PAWR: variants seen among roughly 807,000 people sequenced by gnomAD.
The protein encoded by PAWR is PRKC apoptosis WT1 regulator protein.
A neutral mutation model predicts 32.0 loss-of-function variants in PAWR; 23 were observed. That is an observed-to-expected ratio of 0.72 (90% CI 0.52 to 1.02). The LOEUF (loss-of-function observed/expected upper bound fraction) is 1.02, where lower values mean the gene tolerates loss of function less well. Among genes scored for constraint, PAWR ranks in the 50% least tolerant of loss-of-function variants. PAWR has a pLI of 0.00. For missense variants in PAWR, 457 were observed against 437.7 expected, an observed-to-expected ratio of 1.04 and a Z score of -0.39; for synonymous variants, 226 against 187.1, an observed-to-expected ratio of 1.21 and a Z score of -1.70.
chr12:79,683,904 A>G (rs1441792031), intron 2 of PAWR, among the ~76,000 whole-genome samples: 1 of 152,186 alleles, frequency 6.6e-6, no homozygotes, highest in East Asian at 1.9e-4. Flanking sequence ...AGATCCTACC[A>G]TAATTTCATT....
intron 2 of PAWR, among the ~76,000 whole-genome samples, chr12:79,630,388 CT>C (rs1262566489): frequency 6.6e-6 from 1 of 151,928 alleles, no homozygotes. Flanking sequence ...CAACCTCTGC[CT>C]CCCGGGTTCA....
At chr12:79,617,968 A>ATT (rs1432629239) in intron 3 of PAWR, among the ~76,000 whole-genome samples, 1 of 152,194 alleles carries the variant, frequency 6.6e-6, no homozygotes, top group Non-Finnish European at 1.5e-5. Context: ...TGAGGGCCTC[A>ATT]TAAGAAGCTG....
chr12:79,616,825 A>C (rs1566003790), intron 3 of PAWR, among the ~76,000 whole-genome samples: 1 of 152,160 alleles, frequency 6.6e-6, no homozygotes, highest in African/African-American at 2.4e-5. Context: ...GAACTCCCAC[A>C]TACTACGTTG....
rs1277007547 is a variant in PAWR, at chr12:79,690,167, T to C, written c.78A>G (p.Lys26=). ...TTDFLEEWKA[K]REKMRAKQNP... ...TCTGCTTGGCGCGCATCTTCTCGCG[T>C]TTCGCCTTCCACTCCTCCAGGAAGT... Residue 26 remains lysine (K), a synonymous_variant, in exon 2 of 7, where the codon AAA becomes AAG. Transcript: ENST00000328827. 6.5e-7 allele frequency: 1 copy of C among 1,529,360 alleles called. No individual in the cohort carries two copies. Among genetic ancestry groups the C allele is most frequent in the African/African-American group, 1.4e-5 (1 of 70,758 alleles). The allele number at this position is 1,529,360 out of a possible 1,614,324, so 94.7% of individuals were successfully genotyped here.
chr12:79,681,421 C>A (rs775944707), intron 2 of PAWR, among the ~76,000 whole-genome samples: 30 of 152,066 alleles, frequency 2.0e-4, no homozygotes, highest in Non-Finnish European at 3.7e-4. Flanking sequence ...CATAGTACTG[C>A]AGCCTGGGGA....
chr12:79,616,614 A>G (rs367978261), intron 3 of PAWR, among the ~76,000 whole-genome samples: 21 of 152,314 alleles, frequency 1.4e-4, no homozygotes, highest in African/African-American at 5.1e-4. Flanking sequence ...CTTTGACCCA[A>G]TTATAAATGA....
chr12:79,607,336 T>C (rs1251819935), intron 4 of PAWR, among the ~76,000 whole-genome samples: 1 of 152,114 alleles, frequency 6.6e-6, no homozygotes, highest in Non-Finnish European at 1.5e-5. Flanking sequence ...CAGATTTCTT[T>C]AGAAAGGGTC....
chr12:79,602,537 C>A (rs574899341), intron 4 of PAWR, among the ~76,000 whole-genome samples: 2 of 151,832 alleles, frequency 1.3e-5, no homozygotes, highest in Non-Finnish European at 2.9e-5. Flanking sequence ...ATAAACTCAA[C>A]AAGGCTTGGT....
intron 3 of PAWR, among the ~76,000 whole-genome samples, chr12:79,617,073 T>C (rs1465735262): frequency 1.3e-5 from 2 of 152,160 alleles, no homozygotes; most frequent in Non-Finnish European, 2.9e-5. Flanking sequence ...ATTCTTGTTT[T>C]TTGGCAGGGC....
intron 2 of PAWR, among the ~76,000 whole-genome samples, chr12:79,632,815 C>T (rs537621214): frequency 5.3e-5 from 8 of 152,046 alleles, no homozygotes; most frequent in Admixed American, 5.2e-4. Context: ...CTTTATCTCA[C>T]ATCAGTTACA....
chr12:79,646,227 T>C (rs1200232838), intron 2 of PAWR, among the ~76,000 whole-genome samples: 5 of 152,168 alleles, frequency 3.3e-5, no homozygotes, highest in Non-Finnish European at 7.4e-5. Flanking sequence ...AGGAAGTTAG[T>C]GAATCTTAAA....
intron 2 of PAWR, among the ~76,000 whole-genome samples, chr12:79,647,169 A>G (rs1876615542): frequency 7.8e-6 from 1 of 127,522 alleles, no homozygotes; most frequent in Non-Finnish European, 1.5e-5. Context: ...GCAAGACTCC[A>G]TTTCAAAAAA....
chr12:79,646,648 T>C (rs1007005061), intron 2 of PAWR, among the ~76,000 whole-genome samples: 3 of 152,094 alleles, frequency 2.0e-5, no homozygotes, highest in Non-Finnish European at 4.4e-5. Flanking sequence ...AAGTTTTATA[T>C]AGAAAGAGAA....
intron 2 of PAWR, among the ~76,000 whole-genome samples, chr12:79,664,947 C>T (rs2136833320): frequency 6.6e-6 from 1 of 152,256 alleles, no homozygotes; most frequent in South Asian, 2.1e-4. Flanking sequence ...CACAACATCT[C>T]TTCAATTTCC....
Position 79,587,076 on chromosome 12 carries a change from C to T in PAWR, c.*5531G>A, listed in dbSNP as rs1022896375. 6.6e-6 allele frequency: 1 copy of T among 151,858 alleles called. No individual in the cohort carries two copies. The highest frequency in any genetic ancestry group is 1.9e-4 in the East Asian group (1 of 5,184). 9.4% of individuals were successfully genotyped at this position (151,858 alleles called of 1,614,324 possible). The stretch of plus-strand genomic sequence containing the variant: ...GCACGCGTGCATGCATGCATAAACA[C>T]AAAGTGAATCTAGAAGGGAAAAAAT... On this transcript the variant is annotated 3_prime_UTR_variant, in exon 7 of 7. Coordinates refer to ENST00000328827, the MANE Select transcript of PAWR (RefSeq NM_002583.4).
chr12:79,655,236 A>C, intron 2 of PAWR, among the ~76,000 whole-genome samples: 1 of 152,192 alleles, frequency 6.6e-6, no homozygotes, highest in Middle Eastern at 3.2e-3. Context: ...ATGCACATTA[A>C]AGTCTGAGGA....
intron 4 of PAWR, among the ~76,000 whole-genome samples, chr12:79,600,479 G>C (rs998282927): frequency 4.6e-5 from 7 of 151,184 alleles, no homozygotes; most frequent in African/African-American, 1.2e-4. Flanking sequence ...TGCTTTTTTG[G>C]GGGGGCGGGG....
intron 2 of PAWR, among the ~76,000 whole-genome samples, chr12:79,675,273 G>A (rs984512645): frequency 6.6e-6 from 1 of 152,158 alleles, no homozygotes; most frequent in Non-Finnish European, 1.5e-5. Flanking sequence ...AGCTACTCGG[G>A]AGGCTGAGGT....
chr12:79,666,362 G>A (rs1877603883), intron 2 of PAWR, among the ~76,000 whole-genome samples: 2 of 152,070 alleles, frequency 1.3e-5, no homozygotes, highest in South Asian at 4.1e-4. Flanking sequence ...AATATTCCAG[G>A]TAATAAATTA....
Sources: allele counts gnomAD v4.1 joint callset (sites outside exome capture counted in the v4.1 genomes callset), GRCh38; gene constraint gnomAD v4.1.1; transcripts MANE v1.5; gene names NCBI Gene and HGNC (gene_info 2026-07-23, HGNC 2026-07-21).